ASB10: variants seen among roughly 807,000 people sequenced by gnomAD.
ASB10 encodes the protein ankyrin repeat and SOCS box protein 10.
A neutral mutation model predicts 35.4 loss-of-function variants in ASB10; 44 were observed. The ratio of observed to expected loss-of-function variants is 1.24; its 90% CI spans 0.98 to 1.60. The LOEUF is 1.60. Among genes scored for constraint, ASB10 ranks in the 40% most tolerant of loss-of-function variants. The pLI, the probability that ASB10 is intolerant of heterozygous loss-of-function variation, is 0.00. For synonymous variants in ASB10, 294 were observed against 280.4 expected, an observed-to-expected ratio of 1.05 and a Z score of -0.49; for missense variants, 647 against 634.3, an observed-to-expected ratio of 1.02 and a Z score of -0.22.
rs866384832 is a variant in ASB10, at chr7:151,186,887, C to T, written c.244G>A (p.Ala82Thr). 6.2e-7 allele frequency: 1 copy of T among 1,613,770 alleles called. No homozygotes were observed. The change falls in exon 1 of 6, where the codon GCT (alanine) becomes ACT (threonine). Residue 82 changes from alanine to threonine, a missense_variant. Physicochemically the swap from Ala to Thr is moderately conservative, Grantham distance 58. Coordinates refer to ENST00000420175, the MANE Select transcript of ASB10 (RefSeq NM_001142459.2). ...RILADSSTGL[A>T]PDSVFDTSDP... ...CTGGTATCAAAGACGGAATCAGGAG[C>T]CAGGCCAGTACTGGAGTCCGCGAGG... is the stretch of plus-strand genomic sequence containing the variant.
chr7:151,178,820 C>T (rs1366712896), intron 3 of ASB10, among the ~76,000 whole-genome samples: 1 of 152,164 alleles, frequency 6.6e-6, no homozygotes, highest in Non-Finnish European at 1.5e-5. Flanking sequence ...GCCTCTTTTC[C>T]TCACTCCTCC....
intron 3 of ASB10, among the ~76,000 whole-genome samples, chr7:151,178,914 A>G (rs185769529): frequency 1.2e-3 from 186 of 152,080 alleles, no homozygotes; most frequent in African/African-American, 4.3e-3. Flanking sequence ...TTCCTGGCCC[A>G]TGTTGATCCC....
intron 2 of ASB10, among the ~76,000 whole-genome samples, chr7:151,183,837 C>T (rs980091104): frequency 2.0e-5 from 3 of 152,234 alleles, no homozygotes; most frequent in South Asian, 2.1e-4. Flanking sequence ...CCACCCGGCT[C>T]GGCCTCCCAA....
At chr7:151,185,163 G>A (rs1452734084) in intron 2 of ASB10, among the ~76,000 whole-genome samples, 1 of 142,224 alleles carries the variant, frequency 7.0e-6, no homozygotes, top group African/African-American at 2.6e-5. Context: ...TCCCAGGCTG[G>A]AGTGCAGTGG....
At chr7:151,180,759 C>T (rs1488921433) in intron 3 of ASB10, among the ~76,000 whole-genome samples, 180 bp downstream of exon 3, 4 of 152,190 alleles carry the variant, frequency 2.6e-5, no homozygotes, top group Admixed American at 6.5e-5. Flanking sequence ...CACACATTTC[C>T]CACTGATCTG....
chr7:151,185,338 C>T (rs1181449895), intron 2 of ASB10, among the ~76,000 whole-genome samples: 3 of 152,014 alleles, frequency 2.0e-5, no homozygotes, highest in East Asian at 1.9e-4. Context: ...AGGCTGGTCT[C>T]GAACTCCTGG....
intron 1 of ASB10, 45 bp downstream of exon 1, chr7:151,186,770 C>G (rs1801603575): frequency 6.5e-7 from 1 of 1,537,086 alleles, no homozygotes; most frequent in Non-Finnish European, 8.8e-7. Flanking sequence ...CCATCTGCAG[C>G]CTCCCCTCTC....
Position 151,176,583 on chromosome 7 carries a change from C to A in ASB10, c.1198G>T (p.Val400Leu), listed in dbSNP as rs1412100784. The change falls in exon 4 of 6, where the codon GTG (valine) becomes TTG (leucine). Residue 400 changes from valine to leucine, a missense_variant. Physicochemically the swap from Val to Leu is conservative, Grantham distance 32 (BLOSUM62 1). Coordinates refer to ENST00000420175, the MANE Select transcript of ASB10 (RefSeq NM_001142459.2). Reference protein sequence around the residue: ...VQLPEEAVGLVTPETLQKHQR... With the variant: ...VQLPEEAVGLLTPETLQKHQR... ...CTGACCTGCAGAGTTTCAGGAGTCA[C>A]CAGGCCGACGGCCTCCTCGGGAAGC... The A allele has an allele frequency of 6.4e-7, 1 of 1,551,100 alleles. No individual in the cohort carries two copies. Among genetic ancestry groups the A allele is most frequent in the Non-Finnish European group, 8.7e-7 (1 of 1,146,916 alleles).
chr7:151,179,552 C>T (rs1379941620), intron 3 of ASB10, among the ~76,000 whole-genome samples: 1 of 152,240 alleles, frequency 6.6e-6, no homozygotes, highest in Non-Finnish European at 1.5e-5. Context: ...GTCCCCTGAG[C>T]ACCAAGTCTA....
intron 3 of ASB10, among the ~76,000 whole-genome samples, chr7:151,178,234 G>A (rs1801425009): frequency 6.6e-6 from 1 of 152,194 alleles, no homozygotes; most frequent in Admixed American, 6.5e-5. Context: ...GACAGAATGA[G>A]ACCCTGTCTC....
intron 2 of ASB10, among the ~76,000 whole-genome samples, chr7:151,182,493 G>A (rs957541792): frequency 3.9e-5 from 6 of 152,256 alleles, no homozygotes; most frequent in African/African-American, 4.8e-5. Context: ...CAGGAGAATC[G>A]CTTGAACCTG....
intron 3 of ASB10, among the ~76,000 whole-genome samples, chr7:151,177,413 C>T (rs985372690): frequency 1.2e-4 from 19 of 152,246 alleles, no homozygotes; most frequent in African/African-American, 3.4e-4. Context: ...GGCCTGGAAG[C>T]GTGACCCCTT....
chr7:151,187,601 G>GA, upstream of ASB10: 2 of 1,546,026 alleles, frequency 1.3e-6, no homozygotes, highest in Admixed American at 3.9e-5. This position sits in a 1 kb window ranked among gnomAD's most constrained non-coding sequence, Gnocchi z 5.3. Context: ...GAGCAGTGGT[G>GA]ATGGCCGAGG....
In ASB10 at chr7:151,176,104, G is replaced by T; in HGVS notation, c.*8C>A. The T allele has an allele frequency of 6.2e-7, 1 of 1,610,382 alleles. No individual in the cohort carries two copies. The highest frequency in any genetic ancestry group is 8.5e-7 in the Non-Finnish European group (1 of 1,179,468). On this transcript the variant is annotated splice_region_variant and intron_variant, in intron 5 of 5. Transcript: ENST00000420175. The stretch of plus-strand genomic sequence containing the variant: ...CAGCTGTGACTGCTCACAGATCCCG[G>T]GGCTCACCTAGTAGAGCACGCCCTC...
chr7:151,187,575 G>T (rs1563579352), upstream of ASB10: 2 of 1,551,200 alleles, frequency 1.3e-6, no homozygotes, highest in African/African-American at 2.7e-5. The surrounding 1 kb of genome is among the most constrained non-coding windows in gnomAD (Gnocchi z 5.3). Flanking sequence ...GCATTCTGCA[G>T]GGCCATGTCT....
chr7:151,176,169 G>C lies in ASB10; in HGVS notation c.1347C>G (p.Pro449=), dbSNP rs761217467. The C allele has an allele frequency of 6.2e-7, 1 of 1,611,688 alleles. No individual in the cohort carries two copies. The highest frequency in any genetic ancestry group is 1.9e-4 in the Middle Eastern group (1 of 5,368). ...GGTAGCGGAGCAGGCGCGGTGGCAG[G>C]GGGAGGCGGGGCAGCGCTTGGGGCA... The part of the protein sequence containing the change: ...GSLPQALPRL[P]LPPRLLRYLQ... Residue 449 remains proline (P), a synonymous_variant, in exon 5 of 6, where the codon CCC becomes CCG. Coordinates refer to ENST00000420175, the MANE Select transcript of ASB10 (RefSeq NM_001142459.2).
chr7:151,185,926 C>T (rs966700710), intron 2 of ASB10, among the ~76,000 whole-genome samples: 1 of 152,108 alleles, frequency 6.6e-6, no homozygotes, highest in Non-Finnish European at 1.5e-5. Context: ...AGACCCTACC[C>T]AGAGGGACCC....
Position 151,176,116 on chromosome 7 carries a change from T to C in ASB10, c.1400A>G (p.Tyr467Cys), listed in dbSNP as rs757905829. 1.2e-6 allele frequency: 2 copies of C among 1,611,116 alleles called. No homozygotes were observed. The highest frequency in any genetic ancestry group is 1.7e-6 in the Non-Finnish European group (2 of 1,179,682). ...CTCACAGATCCCGGGGCTCACCTAGTAGAGCACGCCCTCAAAATCCAGCTG... is the reference window on the plus strand; with the variant it reads ...CTCACAGATCCCGGGGCTCACCTAGCAGAGCACGCCCTCAAAATCCAGCTG... ...YLQLDFEGVLY is the reference protein window; with the variant it reads ...YLQLDFEGVLC The change falls in exon 5 of 6, where the codon TAC becomes TGC. Residue 467 changes from tyrosine to cysteine, a missense_variant. Transcript: ENST00000420175.
chr7:151,175,913 C>T lies in ASB10; in HGVS notation c.*54G>A. On this transcript the variant is annotated 3_prime_UTR_variant, in exon 6 of 6. Transcript: ENST00000420175. ...TGGCCTGAGTTAGTGCAGAGGCGCGCCCTCTGCAGGCTGGGGCATCTGCTT... is the reference window on the plus strand; with the variant it reads ...TGGCCTGAGTTAGTGCAGAGGCGCGTCCTCTGCAGGCTGGGGCATCTGCTT... 1 of 668,128 alleles carries T rather than the reference C, an allele frequency of 1.5e-6. No homozygotes were observed. The highest frequency in any genetic ancestry group is 1.9e-5 in the African/African-American group (1 of 53,230). The allele number at this position is 668,128 out of a possible 1,614,324, so 41.4% of individuals were successfully genotyped here.
Sources: allele counts gnomAD v4.1 joint callset (sites outside exome capture counted in the v4.1 genomes callset), GRCh38; gene constraint gnomAD v4.1.1; non-coding constraint Gnocchi (gnomAD v3.1); transcripts MANE v1.5; gene names NCBI Gene and HGNC (gene_info 2026-07-23, HGNC 2026-07-21).